The following MED27 variants were observed in gnomAD, a reference collection of about 807,000 sequenced individuals.
MED27 encodes the protein mediator complex subunit 27, also known as mediator of RNA polymerase II transcription subunit 27.
A neutral mutation model predicts 38.2 loss-of-function variants in MED27; 30 were observed. The observed-to-expected ratio is 0.79, with a 90% CI of 0.59 to 1.07. The LOEUF (loss-of-function observed/expected upper bound fraction) is 1.07. Ranked by LOEUF, MED27 falls within the 50% of genes least tolerant of loss-of-function variation. The pLI is 0.00. For missense variants in MED27, 289 were observed against 397.5 expected (o/e 0.73, Z 2.32); for synonymous variants, 122 against 153.5 (o/e 0.79, Z 1.52).
intron 4 of MED27, among the ~76,000 whole-genome samples, chr9:131,932,112 A>T (rs562839967): frequency 9.2e-5 from 14 of 152,256 alleles, no homozygotes; most frequent in African/African-American, 3.1e-4. Context: ...AGCACAGACC[A>T]TACGTTAGGT....
intron 2 of MED27, among the ~76,000 whole-genome samples, chr9:132,039,976 G>A (rs891706109): frequency 9.2e-5 from 14 of 152,032 alleles, no homozygotes; most frequent in Admixed American, 9.2e-4. Flanking sequence ...ACCATAGAAG[G>A]GTGAAAAGTA....
intron 4 of MED27, among the ~76,000 whole-genome samples, chr9:131,929,940 C>T (rs576924447): frequency 1.2e-4 from 18 of 152,294 alleles, no homozygotes; most frequent in East Asian, 3.9e-4. Context: ...CCCAGTGCTG[C>T]GCTGGCCTCA....
chr9:131,927,304 C>T (rs1429356425), intron 4 of MED27, among the ~76,000 whole-genome samples: 1 of 152,202 alleles, frequency 6.6e-6, no homozygotes, highest in Admixed American at 6.5e-5. Flanking sequence ...ATTGTATAGG[C>T]TACAGTTGAT....
intron 4 of MED27, among the ~76,000 whole-genome samples, chr9:131,932,105 A>G (rs1024290820): frequency 1.3e-5 from 2 of 152,172 alleles, no homozygotes; most frequent in Admixed American, 1.3e-4. Flanking sequence ...ATTCTCAAGC[A>G]CAGACCATAC....
At chr9:132,045,485 G>T (rs1336745330) in intron 2 of MED27, among the ~76,000 whole-genome samples, 1 of 150,064 alleles carries the variant, frequency 6.7e-6, no homozygotes, top group African/African-American at 2.5e-5. Context: ...ATAATAAAAG[G>T]TTCTAAGAAA....
rs1170523671 is a variant in MED27 at position 131,872,185 on chromosome 9, G to C, written c.724-9045C>G. Reference sequence around the variant, plus strand: ...TCACAGGCTCCCTGAGATGATTTTGGGTGCAGGTTCAAGGGCCGCTGCGGG... The same window carrying C: ...TCACAGGCTCCCTGAGATGATTTTGCGTGCAGGTTCAAGGGCCGCTGCGGG... On this transcript the variant is annotated intron_variant, in intron 6 of 7. Coordinates refer to ENST00000292035, the MANE Select transcript of MED27 (RefSeq NM_004269.4). The surrounding 1 kb of genome is among the most constrained non-coding windows in gnomAD (Gnocchi z 5.6). Among the ~76,000 whole-genome samples, 1 of 152,212 alleles carries C rather than the reference G, an allele frequency of 6.6e-6. No individual in the cohort carries two copies. The highest frequency in any genetic ancestry group is 6.5e-5 in the Admixed American group (1 of 15,290).
Position 132,077,517 on chromosome 9 carries a change from C to G in MED27, c.273G>C (p.Leu91=), listed in dbSNP as rs1324043997. ...TGTCCTGCACAGGATCCAGGCTTAA[C>G]AGCCCACTGTTATGAAGAGGATGGT... is the stretch of plus-strand genomic sequence containing the variant. ...SENHPLHNSG[L]LSLDPVQDKT... is the part of the protein sequence containing the mutation. Residue 91 remains leucine (L), a synonymous_variant, in exon 2 of 8, where the codon CTG becomes CTC. Coordinates refer to ENST00000292035, the MANE Select transcript of MED27 (RefSeq NM_004269.4). The G allele has an allele frequency of 6.2e-7, 1 of 1,614,144 alleles. No individual in the cohort carries two copies. The highest frequency in any genetic ancestry group is 8.5e-7 in the Non-Finnish European group (1 of 1,180,000).
Position 132,036,989 on chromosome 9 carries a change from G to A in MED27, c.349-22522C>T, listed in dbSNP as rs140542313. ...TGTGACCGTGTAAAGTGACAGCAAC[G>A]GAGAGAAAGACAGACAGCCCAAAGA... On this transcript the variant is annotated intron_variant, in intron 2 of 7. Transcript: ENST00000292035. Among the ~76,000 whole-genome samples, 81 of 152,240 alleles carry A rather than the reference G, an allele frequency of 5.3e-4. 1 individual carries two copies. The East Asian group carries it at 0.014, about 26-fold the overall frequency.
chr9:132,014,831 A>G (rs1438460728), intron 2 of MED27, among the ~76,000 whole-genome samples: 1 of 152,268 alleles, frequency 6.6e-6, no homozygotes, highest in Non-Finnish European at 1.5e-5. Flanking sequence ...ACTTTAAAAA[A>G]TGTTCTCTAA....
intron 5 of MED27, among the ~76,000 whole-genome samples, chr9:131,886,985 T>C (rs905328867): frequency 6.6e-6 from 1 of 152,224 alleles, no homozygotes; most frequent in East Asian, 1.9e-4. Flanking sequence ...GGAACTAATA[T>C]AGTTCTCCTT....
intron 2 of MED27, among the ~76,000 whole-genome samples, chr9:132,030,184 T>C (rs1832925107): frequency 2.0e-5 from 3 of 152,242 alleles, no homozygotes; most frequent in African/African-American, 7.2e-5. Context: ...GAGTGTGCAC[T>C]GGTGCCAGAG....
intron 4 of MED27, among the ~76,000 whole-genome samples, chr9:131,929,116 G>T (rs1307161108): frequency 2.0e-5 from 3 of 152,196 alleles, no homozygotes; most frequent in Non-Finnish European, 4.4e-5. Flanking sequence ...GACACCTTGG[G>T]CCAGAAGGGA....
intron 6 of MED27, among the ~76,000 whole-genome samples, chr9:131,876,752 C>T (rs985017931): frequency 1.6e-4 from 24 of 152,162 alleles, no homozygotes; most frequent in African/African-American, 4.6e-4. Flanking sequence ...AGCCTGTCGC[C>T]AGCCCACTAG....
At chr9:131,934,342 C>T (rs527995377) in intron 4 of MED27, among the ~76,000 whole-genome samples, 5 of 151,930 alleles carry the variant, frequency 3.3e-5, no homozygotes, top group South Asian at 4.2e-4. Flanking sequence ...AAGAGACAGT[C>T]CATAGAATGG....
chr9:131,985,280 T>C (rs936287576), intron 3 of MED27, among the ~76,000 whole-genome samples: 8 of 152,336 alleles, frequency 5.3e-5, no homozygotes, highest in Middle Eastern at 3.4e-3. Flanking sequence ...AAATTTTACA[T>C]AATACACTAA....
chr9:132,026,040 A>G (rs1488040196), intron 2 of MED27, among the ~76,000 whole-genome samples: 1 of 152,176 alleles, frequency 6.6e-6, no homozygotes, highest in African/African-American at 2.4e-5. Flanking sequence ...CTAATACGAG[A>G]AGGGCTACTC....
At chr9:132,044,349 T>C (rs1833285253) in intron 2 of MED27, among the ~76,000 whole-genome samples, 1 of 152,258 alleles carries the variant, frequency 6.6e-6, no homozygotes, top group Non-Finnish European at 1.5e-5. Context: ...TGTTTGCTCA[T>C]TTATAAATGC....
rs538694072 is a variant in MED27 at position 131,976,174 on chromosome 9, G to A, written c.480-36700C>T. Among the ~76,000 whole-genome samples, 11 of 152,240 alleles carry A rather than the reference G, an allele frequency of 7.2e-5. No individual in the cohort carries two copies. The South Asian group carries it at 8.3e-4, about 11-fold the overall frequency. On this transcript the variant is annotated intron_variant, in intron 3 of 7. Coordinates refer to ENST00000292035, the MANE Select transcript of MED27 (RefSeq NM_004269.4). ...ATACAGAGGAGTTCAAAGACACCTCGGGACTTGCTTAATCCAACTCCTGGT... is the reference window on the plus strand; with the variant it reads ...ATACAGAGGAGTTCAAAGACACCTCAGGACTTGCTTAATCCAACTCCTGGT...
At chr9:132,037,166 C>T in intron 2 of MED27, among the ~76,000 whole-genome samples, 1 of 152,206 alleles carries the variant, frequency 6.6e-6, no homozygotes, top group East Asian at 1.9e-4. Flanking sequence ...GAGCGCGCCA[C>T]ACACAATCAC....
Sources: gnomAD v4.1 joint callset for allele counts (sites outside exome capture counted in the v4.1 genomes callset) on GRCh38, gnomAD v4.1.1 for gene constraint, Gnocchi (gnomAD v3.1) non-coding constraint, MANE v1.5 for transcripts, NCBI Gene and HGNC (gene_info 2026-07-23, HGNC 2026-07-21) for gene names.